GRK4: variants seen among roughly 807,000 people sequenced by gnomAD.
The protein encoded by GRK4 is G protein-coupled receptor kinase 4.
A neutral mutation model predicts 77.9 loss-of-function variants in GRK4; 73 were observed. The ratio of observed to expected loss-of-function variants is 0.94; its 90% CI spans 0.78 to 1.14. The LOEUF is 1.14. Ranked by LOEUF, GRK4 falls within the 50% of genes most tolerant of loss-of-function variation. The pLI is 0.00. For synonymous variants in GRK4, 257 were observed against 254.4 expected, an observed-to-expected ratio of 1.01 and a Z score of -0.10; for missense variants, 729 against 700.2, an observed-to-expected ratio of 1.04 and a Z score of -0.46.
chr4:3,004,709 G>T (rs1730796099), intron 5 of GRK4, among the ~76,000 whole-genome samples: 1 of 152,058 alleles, frequency 6.6e-6, no homozygotes, highest in Non-Finnish European at 1.5e-5. Flanking sequence ...TATTCATAAA[G>T]TGGAAATGGA....
chr4:3,039,072 C>T (rs190725028), intron 15 of GRK4, among the ~76,000 whole-genome samples: 37 of 152,128 alleles, frequency 2.4e-4, no homozygotes, highest in East Asian at 1.9e-4. Context: ...AAAACTTAGC[C>T]GGGTGTGGTG....
chr4:3,028,006 G>T lies in GRK4; in HGVS notation c.1060+5G>T. On this transcript the variant is annotated splice_donor_5th_base_variant and intron_variant, in intron 11 of 15. Coordinates refer to ENST00000398052, the MANE Select transcript of GRK4 (RefSeq NM_182982.3). ...TTGGAACAGTCGGCTACATGGGTTC[G>T]TGAGAGGCTTTCGGCGTCCTTGTCC... 6.2e-7 allele frequency: 1 copy of T among 1,613,676 alleles called. No homozygotes were observed. Among genetic ancestry groups the T allele is most frequent in the Non-Finnish European group, 8.5e-7 (1 of 1,179,592 alleles).
intron 4 of GRK4, among the ~76,000 whole-genome samples, chr4:2,994,884 A>G (rs1042946944): frequency 6.6e-6 from 1 of 152,180 alleles, no homozygotes; most frequent in African/African-American, 2.4e-5. Flanking sequence ...TCACCCAGGT[A>G]TTAAGCTTAG....
At position 2,978,023 on chromosome 4, in the gene GRK4, C is replaced by T. The variant is rs139571945; in HGVS notation, c.53-6490C>T. ...ATTTTGCCTATTTTTTCTTTTGTAA[C>T]ATGAGCCTTTGGTGCCCTGACTATA... On this transcript the variant is annotated intron_variant, in intron 1 of 15. Coordinates refer to ENST00000398052, the MANE Select transcript of GRK4 (RefSeq NM_182982.3). 1.6e-4 allele frequency among the ~76,000 whole-genome samples: 24 copies of T among 152,328 alleles called. 2 individuals are homozygous for T. The East Asian group carries it at 4.4e-3, about 28-fold the overall frequency.
intron 4 of GRK4, among the ~76,000 whole-genome samples, chr4:2,998,061 GAAAT>G (rs1247835009): frequency 1.3e-5 from 2 of 152,042 alleles, no homozygotes; most frequent in African/African-American, 4.8e-5. Context: ...GCAAGAAAAA[GAAAT>G]AAAAGGTATT....
intron 1 of GRK4, among the ~76,000 whole-genome samples, chr4:2,972,177 C>T (rs1427236339): frequency 6.6e-6 from 1 of 152,184 alleles, no homozygotes; most frequent in Non-Finnish European, 1.5e-5. Context: ...ACCTCAAAAA[C>T]TTAAGAGGAA....
intron 4 of GRK4, among the ~76,000 whole-genome samples, chr4:3,002,508 G>A (rs1730111660): frequency 6.6e-6 from 1 of 152,192 alleles, no homozygotes. Context: ...CAGCATTTTG[G>A]AAGGCTGAAG....
At chr4:3,013,554 G>T in intron 7 of GRK4, 134 bp from the exon 8 acceptor site, 1 of 1,031,174 alleles carries the variant, frequency 9.7e-7, no homozygotes, top group Admixed American at 2.3e-5. Flanking sequence ...GCTCACCTTT[G>T]AAACGGTCTC....
intron 1 of GRK4, among the ~76,000 whole-genome samples, chr4:2,970,696 G>T (rs1428799435): frequency 6.6e-6 from 1 of 151,126 alleles, no homozygotes; most frequent in African/African-American, 2.4e-5. Flanking sequence ...GGGGGGGTCA[G>T]TCTCGCTCTG....
chr4:3,035,505 G>GC lies in GRK4; in HGVS notation c.1394dup (p.Cys467LeufsTer3), dbSNP rs1441051991. On this transcript the variant is annotated frameshift_variant, in exon 13 of 16. Transcript: ENST00000398052. LOFTEE classifies it high-confidence loss of function. The stretch of plus-strand genomic sequence containing the variant: ...GGAGGCTGGAGGCAAACATGCTGGA[G>GC]CCCCCTTTCTGTCCTGATGTAAGTG... The GC allele has an allele frequency of 1.2e-6, 2 of 1,613,734 alleles. No homozygotes were observed. Among genetic ancestry groups the GC allele is most frequent in the African/African-American group, 2.7e-5 (2 of 74,894 alleles).
At chr4:3,007,416 T>G (rs2109854787) in intron 5 of GRK4, among the ~76,000 whole-genome samples, 1 of 152,322 alleles carries the variant, frequency 6.6e-6, no homozygotes, top group African/African-American at 2.4e-5. Flanking sequence ...TTGACCTCTA[T>G]GCTGTCCTCC....
chr4:2,967,911 C>T (rs1718275595), intron 1 of GRK4, among the ~76,000 whole-genome samples: 1 of 152,134 alleles, frequency 6.6e-6, no homozygotes, highest in Admixed American at 6.5e-5. Context: ...CTGCCTCAGT[C>T]TCCCGAGTAG....
chr4:3,028,103 G>T, intron 11 of GRK4, 102 bp downstream of exon 11: 1 of 953,890 alleles, frequency 1.0e-6, no homozygotes, highest in Non-Finnish European at 1.7e-6. Flanking sequence ...CCTCGGTTTG[G>T]ACACACTAGT....
At chr4:2,992,165 C>A in intron 3 of GRK4, 50 bp from the exon 4 acceptor site, 1 of 1,329,602 alleles carries the variant, frequency 7.5e-7, no homozygotes, top group Non-Finnish European at 1.1e-6. Context: ...AGGTATGCAC[C>A]ACCACACCCA....
intron 10 of GRK4, 84 bp downstream of exon 10, chr4:3,022,535 T>C: frequency 8.3e-7 from 1 of 1,205,222 alleles, no homozygotes; most frequent in Non-Finnish European, 1.2e-6. Context: ...GAAAGTGGAC[T>C]TAATGATTAG....
rs1456361790 is a variant in GRK4 at position 3,037,421 on chromosome 4, G to A, written c.1455G>A (p.Ser485=). The A allele has an allele frequency of 1.4e-5, 22 of 1,611,474 alleles. No individual in the cohort carries two copies. The highest frequency in any genetic ancestry group is 3.3e-5 in the South Asian group (3 of 90,954). The stretch of plus-strand genomic sequence containing the variant: ...ACGTCCTGGATATCGAGCAGTTCTC[G>A]GTGGTGAAAGGGATCTACCTGGACA... ...CKDVLDIEQF[S]VVKGIYLDTA... The change falls in exon 14 of 16, where the codon TCG becomes TCA. Residue 485 remains serine (S), a synonymous_variant. Transcript: ENST00000398052.
intron 4 of GRK4, among the ~76,000 whole-genome samples, chr4:2,993,604 G>A (rs1313610528): frequency 1.3e-5 from 2 of 152,214 alleles, no homozygotes; most frequent in African/African-American, 2.4e-5. Flanking sequence ...AACCTGGGAG[G>A]TAAAGGTGGC....
intron 1 of GRK4, among the ~76,000 whole-genome samples, chr4:2,979,403 C>CAA (rs144374548): frequency 0.14 from 8,096 of 57,928 alleles, 789 homozygotes; most frequent in Non-Finnish European, 0.19. Context: ...GACTCTGTCT[C>CAA]AAAAAAAAAA....
rs1716474011 is a variant in GRK4, at chr4:2,963,885, A to C, written c.-186A>C. On this transcript the variant is annotated 5_prime_UTR_variant, in exon 1 of 16. Coordinates refer to ENST00000398052, the MANE Select transcript of GRK4 (RefSeq NM_182982.3). ...CTCCCCTGCTGGTGAGGGCCTGCGG[A>C]GGCGGCGGCGGCGGCGCCCTTGGTG... 19 of 647,636 alleles carry C rather than the reference A, an allele frequency of 2.9e-5. 1 individual carries two copies. The highest frequency in any genetic ancestry group is 2.6e-4 in the South Asian group (15 of 57,810). The allele number at this position is 647,636 out of a possible 1,614,324, so 40.1% of individuals were successfully genotyped here.
Sources: allele counts gnomAD v4.1 joint callset (sites outside exome capture counted in the v4.1 genomes callset), GRCh38; gene constraint gnomAD v4.1.1; transcripts MANE v1.5; gene names NCBI Gene and HGNC (gene_info 2026-07-23, HGNC 2026-07-21).